QTMAN: variants seen among roughly 807,000 people sequenced by gnomAD.
The protein encoded by QTMAN is tRNA-queuosine alpha-mannosyltransferase.
chr2:144,312,966 T>C, the QTMAN span, among the ~76,000 whole-genome samples: 1 of 31,980 alleles, frequency 3.1e-5, no homozygotes, highest in Admixed American at 4.0e-4. Context: ...TATTTCTTTA[T>C]AGCAGTGTGA....
At chr2:144,175,429 G>C in the QTMAN span, among the ~76,000 whole-genome samples, 4 of 152,050 alleles carry the variant, frequency 2.6e-5, no homozygotes, top group African/African-American at 9.7e-5. Flanking sequence ...AGAGGAAGTA[G>C]AGAATCTAAA....
the QTMAN span, chr2:143,970,555 T>C: frequency 2.6e-6 from 2 of 757,470 alleles, no homozygotes; most frequent in Non-Finnish European, 2.4e-6. Context: ...AGTGCTCATC[T>C]TGATTATTCT....
At chr2:144,226,491 G>A in the QTMAN span, among the ~76,000 whole-genome samples, 1 of 152,122 alleles carries the variant, frequency 6.6e-6, no homozygotes, top group Non-Finnish European at 1.5e-5. Flanking sequence ...TTCAAATTTA[G>A]GAAATTATTT....
the QTMAN span, among the ~76,000 whole-genome samples, chr2:144,208,420 A>C: frequency 6.6e-6 from 1 of 152,192 alleles, no homozygotes; most frequent in African/African-American, 2.4e-5. Context: ...TTTCCTACTG[A>C]CCAGGTGTCC....
chr2:144,238,032 C>T, the QTMAN span, among the ~76,000 whole-genome samples: 1 of 152,188 alleles, frequency 6.6e-6, no homozygotes, highest in Non-Finnish European at 1.5e-5. Context: ...CTCTGGCTGA[C>T]ATCTTGATTG....
chr2:144,030,039 G>T, the QTMAN span, among the ~76,000 whole-genome samples: 1 of 152,142 alleles, frequency 6.6e-6, no homozygotes, highest in African/African-American at 2.4e-5. Context: ...TTCATTCCAT[G>T]AATATATTTT....
At chr2:144,032,930 G>A in the QTMAN span, among the ~76,000 whole-genome samples, 2 of 152,086 alleles carry the variant, frequency 1.3e-5, no homozygotes, top group Admixed American at 6.6e-5. Context: ...AAAAAATAGG[G>A]ACTAGATAGA....
the QTMAN span, among the ~76,000 whole-genome samples, chr2:144,082,890 GCACA>G: frequency 7.4e-5 from 11 of 148,348 alleles, no homozygotes; most frequent in Admixed American, 2.0e-4. Context: ...AAATACACAC[GCACA>G]CACACACACA....
chr2:144,220,364 C>A, the QTMAN span, among the ~76,000 whole-genome samples: 1 of 152,052 alleles, frequency 6.6e-6, no homozygotes. Context: ...CTACTATTGT[C>A]CAAAGTTTCT....
At chr2:144,141,322 T>A in the QTMAN span, among the ~76,000 whole-genome samples, 1 of 150,806 alleles carries the variant, frequency 6.6e-6, no homozygotes, top group Admixed American at 6.6e-5. Context: ...GCAAGGGTAA[T>A]AAAAAAAATG....
At chr2:144,148,597 A>G in the QTMAN span, among the ~76,000 whole-genome samples, 1 of 151,904 alleles carries the variant, frequency 6.6e-6, no homozygotes, top group Non-Finnish European at 1.5e-5. Flanking sequence ...TAATTTCTAC[A>G]TGAGGATTAT....
At chr2:143,950,993 T>C in the QTMAN span, 2 of 151,960 alleles carry the variant, frequency 1.3e-5, no homozygotes, top group Non-Finnish European at 3.0e-5. Context: ...TCTCTCTTTT[T>C]CTTGAAGTTT....
chr2:144,133,161 A>AT, the QTMAN span, among the ~76,000 whole-genome samples: 6 of 67,908 alleles, frequency 8.8e-5, no homozygotes, highest in African/African-American at 3.8e-4. Context: ...AATATAATAT[A>AT]ATATATATAT....
At chr2:144,326,787 G>C in the QTMAN span, among the ~76,000 whole-genome samples, 1 of 152,102 alleles carries the variant, frequency 6.6e-6, no homozygotes, top group Non-Finnish European at 1.5e-5. Context: ...CACCTCCAGG[G>C]AACTGGACAG....
chr2:144,160,560 T>C, the QTMAN span, among the ~76,000 whole-genome samples: 1 of 152,098 alleles, frequency 6.6e-6, no homozygotes, highest in Non-Finnish European at 1.5e-5. Flanking sequence ...TGTAAGATTA[T>C]CAAGAAAATG....
chr2:144,265,256 C>T, the QTMAN span, among the ~76,000 whole-genome samples: 1 of 152,198 alleles, frequency 6.6e-6, no homozygotes, highest in African/African-American at 2.4e-5. Context: ...GATGATTCAA[C>T]CAAGGGAAGT....
the QTMAN span, among the ~76,000 whole-genome samples, chr2:143,956,510 G>A: frequency 1.2e-4 from 19 of 152,122 alleles, no homozygotes; most frequent in African/African-American, 4.1e-4. Context: ...TAATATATAT[G>A]TGCTTGTTTT....
the QTMAN span, chr2:143,957,334 A>G: frequency 8.9e-6 from 14 of 1,581,688 alleles, no homozygotes; most frequent in Non-Finnish European, 1.1e-5. Context: ...GCCTCTGAAA[A>G]AATATCTTTT....
the QTMAN span, among the ~76,000 whole-genome samples, chr2:144,276,171 A>G: frequency 6.6e-6 from 1 of 152,060 alleles, no homozygotes; most frequent in Admixed American, 6.6e-5. Flanking sequence ...ACTCAAGGCA[A>G]TTATTTGGAG....
Sources: allele counts gnomAD v4.1 joint callset (sites outside exome capture counted in the v4.1 genomes callset), GRCh38; gene constraint gnomAD v4.1.1; transcripts MANE v1.5; gene names NCBI Gene and HGNC (gene_info 2026-07-23, HGNC 2026-07-21).